The following ZBBX variants were observed in gnomAD, a reference collection of about 807,000 sequenced individuals.
ZBBX encodes the protein zinc finger B-box domain containing.
In ZBBX, 101 loss-of-function variants were observed where a neutral mutation model predicts 108.5. The ratio of observed to expected loss-of-function variants is 0.93; its 90% CI spans 0.79 to 1.10. ZBBX has a LOEUF of 1.10. Ranked by LOEUF, ZBBX falls within the 50% of genes least tolerant of loss-of-function variation. The pLI is 0.00. For missense variants in ZBBX, 1,009 were observed against 941.4 expected, an observed-to-expected ratio of 1.07 and a Z score of -0.94; for synonymous variants, 356 against 323.4, an observed-to-expected ratio of 1.10 and a Z score of -1.08.
chr3:167,182,857 G>A, the ZBBX span, among the ~76,000 whole-genome samples: 1 of 152,166 alleles, frequency 6.6e-6, no homozygotes, highest in African/African-American at 2.4e-5. Flanking sequence ...TAATTTAAAA[G>A]GAAAAGGCTC....
chr3:167,393,139 C>T (rs931281294), intron 1 of ZBBX, among the ~76,000 whole-genome samples: 10 of 151,784 alleles, frequency 6.6e-5, no homozygotes, highest in African/African-American at 2.4e-4. Flanking sequence ...GAGTACACCA[C>T]TTAAGGATTA....
chr3:167,340,104 G>A (rs192571488), intron 9 of ZBBX, among the ~76,000 whole-genome samples: 50 of 152,158 alleles, frequency 3.3e-4, no homozygotes, highest in African/African-American at 1.1e-3. Context: ...AAAGAAACCT[G>A]TACAGATTAT....
intron 12 of ZBBX, among the ~76,000 whole-genome samples, chr3:167,318,688 T>C (rs1456373307): frequency 6.6e-6 from 1 of 152,016 alleles, no homozygotes; most frequent in African/African-American, 2.4e-5. Flanking sequence ...GTTACACATA[T>C]CCTCATTCAC....
intron 5 of ZBBX, among the ~76,000 whole-genome samples, chr3:167,366,190 T>C (rs1247190646): frequency 6.6e-6 from 1 of 151,876 alleles, no homozygotes. Flanking sequence ...TGTGGAGAAA[T>C]GAATAAAATG....
At chr3:167,364,743 GCTTT>G (rs1745071995) in intron 6 of ZBBX, among the ~76,000 whole-genome samples, 1 of 151,842 alleles carries the variant, frequency 6.6e-6, no homozygotes, top group Non-Finnish European at 1.5e-5. Context: ...TTACACACTG[GCTTT>G]CTTTAAGCTT....
chr3:167,207,944 A>T, the ZBBX span, among the ~76,000 whole-genome samples: 1 of 152,178 alleles, frequency 6.6e-6, no homozygotes, highest in Non-Finnish European at 1.5e-5. Flanking sequence ...TGAATTGCCT[A>T]CACCACCCCT....
chr3:167,227,211 T>A, the ZBBX span, among the ~76,000 whole-genome samples: 2 of 151,796 alleles, frequency 1.3e-5, no homozygotes, highest in Non-Finnish European at 2.9e-5. Context: ...TCTAGTACAA[T>A]GTAGGTGCTA....
chr3:167,336,034 T>A (rs767913217), intron 9 of ZBBX, among the ~76,000 whole-genome samples: 92 of 152,130 alleles, frequency 6.0e-4, no homozygotes, highest in Admixed American at 1.8e-3. Flanking sequence ...AATAAAGGTC[T>A]GTAGATTTCA....
chr3:167,272,295 C>G (rs532699602), intron 20 of ZBBX, among the ~76,000 whole-genome samples: 2 of 152,186 alleles, frequency 1.3e-5, no homozygotes, highest in African/African-American at 4.8e-5. Context: ...TATTTGGTCT[C>G]TCCTTTACCT....
intron 9 of ZBBX, among the ~76,000 whole-genome samples, chr3:167,346,247 GTTAA>G (rs1741435484): frequency 6.6e-6 from 1 of 151,716 alleles, no homozygotes; most frequent in African/African-American, 2.4e-5. Context: ...TCATTTTTCA[GTTAA>G]TTAAATATTT....
intron 18 of ZBBX, among the ~76,000 whole-genome samples, chr3:167,293,394 G>A (rs1159956945): frequency 1.3e-5 from 2 of 152,086 alleles, no homozygotes; most frequent in Admixed American, 6.6e-5. Context: ...TTCAACAAAC[G>A]CAAATCAATA....
chr3:167,309,590 A>C (rs995715638), intron 16 of ZBBX, among the ~76,000 whole-genome samples: 1 of 152,190 alleles, frequency 6.6e-6, no homozygotes, highest in African/African-American at 2.4e-5. Context: ...TCTGAATCCA[A>C]GGTCCAAGCT....
intron 20 of ZBBX, 67 bp from the exon 21 acceptor site, chr3:167,242,710 C>A (rs1020759360): frequency 7.1e-7 from 1 of 1,406,868 alleles, no homozygotes; most frequent in East Asian, 2.5e-5. Flanking sequence ...GCATATGGTG[C>A]TGAATGTTTA....
the ZBBX span, among the ~76,000 whole-genome samples, chr3:167,205,751 G>C: frequency 6.6e-6 from 1 of 152,114 alleles, no homozygotes; most frequent in Admixed American, 6.6e-5. Context: ...TAATTAATTG[G>C]TGGAACCAGG....
the ZBBX span, among the ~76,000 whole-genome samples, chr3:167,188,064 T>C: frequency 6.6e-6 from 1 of 152,080 alleles, no homozygotes; most frequent in Admixed American, 6.6e-5. Flanking sequence ...GAAATCACAA[T>C]AGAGAAAAAA....
At chr3:167,287,883 A>G (rs1030344775) in intron 19 of ZBBX, among the ~76,000 whole-genome samples, 1 of 152,130 alleles carries the variant, frequency 6.6e-6, no homozygotes, top group African/African-American at 2.4e-5. Flanking sequence ...CATGGAAAGG[A>G]TCTAAGATAG....
chr3:167,325,600 T>A (rs1485474627), intron 11 of ZBBX, among the ~76,000 whole-genome samples: 1 of 152,108 alleles, frequency 6.6e-6, no homozygotes, highest in Non-Finnish European at 1.5e-5. Flanking sequence ...TCATCCAAAT[T>A]ATACTAATCA....
At chr3:167,241,963 C>A (rs1166642859) in intron 21 of ZBBX, among the ~76,000 whole-genome samples, 1 of 152,196 alleles carries the variant, frequency 6.6e-6, no homozygotes, top group Non-Finnish European at 1.5e-5. Flanking sequence ...CAATAGACTA[C>A]TTTTCTGAAA....
rs1233629359 is a variant in ZBBX, at chr3:167,314,059, T to C, written c.1332A>G (p.Gln444=). 3 of 1,607,028 alleles carry C rather than the reference T, an allele frequency of 1.9e-6. No individual in the cohort carries two copies. In the South Asian group the frequency reaches 3.3e-5, roughly 18 times the overall value. ...NSFPYENGIH[Q]HHVFDKGKRD... ...TCTTTCCCTTATCGAAAACATGATG[T>C]TGATGGATGCCATTTTCATATGGAA... Residue 444 remains glutamine (Q), a synonymous_variant, in exon 16 of 22, where the codon CAA becomes CAG. Coordinates refer to ENST00000675490, the MANE Select transcript of ZBBX (RefSeq NM_001199201.2).
Sources: gnomAD v4.1 joint callset for allele counts (sites outside exome capture counted in the v4.1 genomes callset) on GRCh38, gnomAD v4.1.1 for gene constraint, MANE v1.5 for transcripts, NCBI Gene and HGNC (gene_info 2026-07-23, HGNC 2026-07-21) for gene names.